MTBP: variants seen among roughly 807,000 people sequenced by gnomAD.
The protein encoded by MTBP is MDM2 binding protein, also known as mdm2-binding protein.
MTBP carries 101 observed loss-of-function variants against 117.0 expected under a neutral mutation model. The ratio of observed to expected loss-of-function variants is 0.86; its 90% CI spans 0.73 to 1.02. The LOEUF (loss-of-function observed/expected upper bound fraction) is 1.02. MTBP is among the 50% of genes least tolerant of loss of function. The probability of loss-of-function intolerance (pLI) is 0.00; values close to 1 mark genes in which losing one functional copy is unlikely to be tolerated. For synonymous variants in MTBP, 350 were observed against 351.5 expected, an observed-to-expected ratio of 1.00 and a Z score of 0.05; for missense variants, 970 against 1,030.9, an observed-to-expected ratio of 0.94 and a Z score of 0.81.
At chr8:120,489,901 G>A (rs1814307122) in intron 12 of MTBP, among the ~76,000 whole-genome samples, 1 of 152,150 alleles carries the variant, frequency 6.6e-6, no homozygotes, top group Non-Finnish European at 1.5e-5. Context: ...GCTTTTAGGG[G>A]ACAGAGGAAA....
At position 120,459,205 on chromosome 8, in the gene MTBP, C is replaced by A; in HGVS notation, c.748-10C>A. On this transcript the variant is annotated splice_polypyrimidine_tract_variant and intron_variant, in intron 7 of 21. Coordinates refer to ENST00000305949, the MANE Select transcript of MTBP (RefSeq NM_022045.5). The stretch of plus-strand genomic sequence containing the variant: ...ATACTTGTAACTGTGTTTTCTTGGT[C>A]TCTTTTCAGTTTGGATTTGAAATTA... The A allele has an allele frequency of 6.2e-7, 1 of 1,602,428 alleles. No homozygotes were observed. Among genetic ancestry groups the A allele is most frequent in the South Asian group, 1.1e-5 (1 of 89,618 alleles).
chr8:120,491,753 A>G lies in MTBP; in HGVS notation c.1447+1183A>G, dbSNP rs914747575. Among the ~76,000 whole-genome samples the G allele has an allele frequency of 8.5e-5, 13 of 152,248 alleles. No homozygotes were observed. The East Asian group carries it at 1.9e-3, about 23-fold the overall frequency. On this transcript the variant is annotated intron_variant, in intron 13 of 21. Coordinates refer to ENST00000305949, the MANE Select transcript of MTBP (RefSeq NM_022045.5). The stretch of plus-strand genomic sequence containing the variant: ...AGCTTTTTATAACTCAGTTCCTTCA[A>G]CATCTCCATTGATTCATCTTCACCT...
In MTBP at chr8:120,501,173, A is replaced by C. The variant is rs1485931132; in HGVS notation, c.1610-1319A>C. The stretch of plus-strand genomic sequence containing the variant: ...GCCACTGCACTCCAGCCTGGGTGAC[A>C]GAGTGAAACTCCATCTCAAAAAAAA... On this transcript the variant is annotated intron_variant, in intron 14 of 21. Coordinates refer to ENST00000305949, the MANE Select transcript of MTBP (RefSeq NM_022045.5). Among the ~76,000 whole-genome samples the C allele has an allele frequency of 4.2e-5, 5 of 119,794 alleles. No homozygotes were observed. In the South Asian group the frequency reaches 1.5e-3, roughly 37 times the overall value. The allele number at this position is 119,794 out of a possible 152,430, so 78.6% of individuals were successfully genotyped here. A position where few individuals can be genotyped will look rare whatever the true frequency, so the allele number is the denominator to read the frequency against.
chr8:120,456,841 A>G (rs1813480037), intron 7 of MTBP, among the ~76,000 whole-genome samples, 171 bp downstream of exon 7: 1 of 152,192 alleles, frequency 6.6e-6, no homozygotes, highest in Admixed American at 6.5e-5. Flanking sequence ...ACACTAGCCT[A>G]CAAACCACTT....
chr8:120,515,560 G>GATA (rs1814901422), intron 17 of MTBP, among the ~76,000 whole-genome samples: 1 of 152,032 alleles, frequency 6.6e-6, no homozygotes, highest in African/African-American at 2.4e-5. Flanking sequence ...GAAGTCAGCA[G>GATA]TTCATGTTGT....
intron 15 of MTBP, among the ~76,000 whole-genome samples, chr8:120,505,975 C>T (rs527725045): frequency 2.6e-5 from 4 of 152,056 alleles, no homozygotes; most frequent in African/African-American, 7.2e-5. Context: ...CTTGACAAGT[C>T]GGAATAATGA....
chr8:120,451,884 A>G (rs895014346), intron 4 of MTBP: 4 of 152,218 alleles, frequency 2.6e-5, no homozygotes, highest in African/African-American at 9.7e-5. Flanking sequence ...TGCCTGGCCA[A>G]TAATGTATTT....
At chr8:120,500,404 A>G (rs896855826) in intron 14 of MTBP, among the ~76,000 whole-genome samples, 70 of 152,310 alleles carry the variant, frequency 4.6e-4, no homozygotes, top group African/African-American at 1.6e-3. Flanking sequence ...TGTATATTAT[A>G]TTGTAATATT....
At chr8:120,515,775 G>T in intron 17 of MTBP, 150 bp from the exon 18 acceptor site, 1 of 676,058 alleles carries the variant, frequency 1.5e-6, no homozygotes, top group Non-Finnish European at 2.4e-6. Context: ...AACTTGGGAG[G>T]GAAATAGGCC....
At position 120,461,196 on chromosome 8, in the gene MTBP, G is replaced by A. The variant is rs750748917; in HGVS notation, c.918G>A (p.Val306=). Residue 306 remains valine, a synonymous_variant, in exon 9 of 22, where the codon GTG becomes GTA. Coordinates refer to ENST00000305949, the MANE Select transcript of MTBP (RefSeq NM_022045.5). ...ATTATGGCCCTGCTTTAGAATTTGT[G>A]CAGATGATAAAATTATCAGATCTAC... is the stretch of plus-strand genomic sequence containing the variant. ...FHYYGPALEF[V]QMIKLSDLPS... 6.2e-7 allele frequency: 1 copy of A among 1,604,482 alleles called. No individual in the cohort carries two copies. Among genetic ancestry groups the A allele is most frequent in the African/African-American group, 1.3e-5 (1 of 74,476 alleles).
intron 15 of MTBP, among the ~76,000 whole-genome samples, chr8:120,502,815 A>G (rs908560925): frequency 6.6e-6 from 1 of 152,342 alleles, no homozygotes; most frequent in African/African-American, 2.4e-5. Context: ...CTGCACTTGT[A>G]CTTTCTAGGT....
chr8:120,445,563 G>A lies in MTBP; in HGVS notation c.93G>A (p.Ser31=). The change falls in exon 1 of 22, where the codon TCG becomes TCA. Residue 31 remains serine, a synonymous_variant. Coordinates refer to ENST00000305949, the MANE Select transcript of MTBP (RefSeq NM_022045.5). ...REAEHGPEVS[S]GEGTENQPDF... ...CAGAACATGGGCCAGAGGTGTCGTC[G>A]GGTGAGGGTACTGAGAATCAGCCGG... is the stretch of plus-strand genomic sequence containing the variant. 6.2e-7 allele frequency: 1 copy of A among 1,611,980 alleles called. No homozygotes were observed. Among genetic ancestry groups the A allele is most frequent in the African/African-American group, 1.3e-5 (1 of 74,852 alleles).
chr8:120,458,514 CTA>C (rs1399766128), intron 7 of MTBP, among the ~76,000 whole-genome samples: 2 of 152,012 alleles, frequency 1.3e-5, no homozygotes, highest in African/African-American at 2.4e-5. Context: ...CAAAGACAAA[CTA>C]TGTGAGACAC....
intron 17 of MTBP, among the ~76,000 whole-genome samples, chr8:120,512,517 T>G (rs940819269): frequency 4.0e-5 from 6 of 151,770 alleles, no homozygotes; most frequent in African/African-American, 1.4e-4. Flanking sequence ...AAGGATATGT[T>G]CTTCATGATC....
chr8:120,475,870 C>G (rs1420489225), intron 11 of MTBP, among the ~76,000 whole-genome samples: 2 of 151,990 alleles, frequency 1.3e-5, no homozygotes, highest in Admixed American at 1.3e-4. Flanking sequence ...GAATGATCAT[C>G]TGCAACCTAA....
At position 120,522,667 on chromosome 8, in the gene MTBP, C is replaced by G; in HGVS notation, c.2624C>G (p.Ser875Ter). The change falls in exon 21 of 22, where the codon TCA becomes TGA. Residue 875 changes from serine to a stop codon, truncating the protein, a stop_gained. Transcript: ENST00000305949. LOFTEE classifies it high-confidence loss of function. ...SKFYLKDLKTSRGLFEEMKKT... is the reference protein window; with the variant it reads ...SKFYLKDLKT ...TATTATGTTTAGGATCTTAAAACTT[C>G]AAGGGGTCTATTTGAAGAAATGAAG... 6.2e-7 allele frequency: 1 copy of G among 1,603,430 alleles called. No individual in the cohort carries two copies. The highest frequency in any genetic ancestry group is 8.5e-7 in the Non-Finnish European group (1 of 1,172,646).
chr8:120,447,866 A>ATCTTT (rs5894522), intron 2 of MTBP, among the ~76,000 whole-genome samples: 132,550 of 151,700 alleles, frequency 0.87, 58,077 homozygotes, highest in Non-Finnish European at 0.91. Context: ...CAGAATGAAC[A>ATCTTT]TCTTTTATTG....
At chr8:120,507,816 T>A (rs6469932) in intron 16 of MTBP, among the ~76,000 whole-genome samples, 2 of 151,886 alleles carry the variant, frequency 1.3e-5, no homozygotes, top group Non-Finnish European at 2.9e-5. Flanking sequence ...TTCCCATAAC[T>A]TTGAAAGATT....
chr8:120,466,985 T>C (rs1486494452), intron 10 of MTBP, among the ~76,000 whole-genome samples: 1 of 152,228 alleles, frequency 6.6e-6, no homozygotes, highest in African/African-American at 2.4e-5. Flanking sequence ...TTGGATAGAA[T>C]AAGATGGACA....
Sources: gnomAD v4.1 joint callset for allele counts (sites outside exome capture counted in the v4.1 genomes callset) on GRCh38, gnomAD v4.1.1 for gene constraint, MANE v1.5 for transcripts, NCBI Gene and HGNC (gene_info 2026-07-23, HGNC 2026-07-21) for gene names.